The following NIPAL2 variants were observed in gnomAD, a reference collection of about 807,000 sequenced individuals.
The protein encoded by NIPAL2 is NIPA like domain containing 2.
A neutral mutation model predicts 48.9 loss-of-function variants in NIPAL2; 43 were observed. That is an observed-to-expected ratio of 0.88 (90% confidence interval 0.69 to 1.13). The LOEUF is 1.13. Ranked by LOEUF, NIPAL2 falls within the 50% of genes most tolerant of loss-of-function variation. NIPAL2 has a pLI of 0.00. For missense variants in NIPAL2, 446 were observed against 461.4 expected, an observed-to-expected ratio of 0.97 and a Z score of 0.31; for synonymous variants, 167 against 174.6, an observed-to-expected ratio of 0.96 and a Z score of 0.34.
intron 1 of NIPAL2, among the ~76,000 whole-genome samples, chr8:98,263,426 A>G (rs1417225371): frequency 6.6e-6 from 1 of 150,762 alleles, no homozygotes; most frequent in Non-Finnish European, 1.5e-5. Context: ...AATAGATGCA[A>G]TAAAAAATGA....
intron 5 of NIPAL2, chr8:98,217,420 A>G (rs1811632621): frequency 1.2e-6 from 1 of 846,582 alleles, no homozygotes; most frequent in African/African-American, 1.8e-5. Flanking sequence ...ATCAGTCCCG[A>G]AAGCCAATTC....
At chr8:98,238,191 A>C (rs1007990092) in intron 3 of NIPAL2, among the ~76,000 whole-genome samples, 2 of 152,188 alleles carry the variant, frequency 1.3e-5, no homozygotes, top group Non-Finnish European at 2.9e-5. Context: ...GAAAATCCAA[A>C]ATTGCAATAA....
chr8:98,255,004 C>T (rs544079895), intron 1 of NIPAL2, among the ~76,000 whole-genome samples: 89 of 152,288 alleles, frequency 5.8e-4, no homozygotes, highest in African/African-American at 2.1e-3. Flanking sequence ...TTTATATTAT[C>T]ATGTTTGCTC....
At chr8:98,291,504 C>T (rs1290030193) in intron 1 of NIPAL2, among the ~76,000 whole-genome samples, 1 of 152,236 alleles carries the variant, frequency 6.6e-6, no homozygotes, top group Non-Finnish European at 1.5e-5. Flanking sequence ...TCACATGACA[C>T]TTACAACATA....
rs180782486 is a variant in NIPAL2, at chr8:98,272,869, C to T, written c.136-18782G>A. Among the ~76,000 whole-genome samples the T allele has an allele frequency of 2.2e-3, 333 of 152,094 alleles. 1 individual carries two copies. The highest frequency in any genetic ancestry group is 5.2e-3 in the Admixed American group (79 of 15,270). On this transcript the variant is annotated intron_variant, in intron 1 of 10. Coordinates refer to ENST00000430223, the MANE Select transcript of NIPAL2 (RefSeq NM_001321635.2). The stretch of plus-strand genomic sequence containing the variant: ...GTCATAAACTTATGATGTCTGAAAA[C>T]CAAGGAAATGCTTATTTTTTCCAGG...
intron 6 of NIPAL2, among the ~76,000 whole-genome samples, chr8:98,209,533 A>G (rs142930256): frequency 2.8e-4 from 43 of 151,196 alleles, no homozygotes; most frequent in Non-Finnish European, 6.0e-4. Flanking sequence ...TAGGAGGATC[A>G]CTTGAGGCTG....
intron 8 of NIPAL2, among the ~76,000 whole-genome samples, chr8:98,201,954 T>C (rs2130699048): frequency 6.6e-6 from 1 of 152,204 alleles, no homozygotes; most frequent in African/African-American, 2.4e-5. Context: ...ATACATAAAC[T>C]TTACATTGAG....
At chr8:98,244,222 G>C (rs1261853332) in intron 3 of NIPAL2, among the ~76,000 whole-genome samples, 5 of 149,444 alleles carry the variant, frequency 3.3e-5, no homozygotes, top group African/African-American at 1.2e-4. Flanking sequence ...AATGAGGGGG[G>C]TGTGGGCCAC....
intron 1 of NIPAL2, among the ~76,000 whole-genome samples, chr8:98,262,593 T>C (rs1231216821): frequency 4.4e-4 from 65 of 148,032 alleles, no homozygotes; most frequent in African/African-American, 1.5e-3. Context: ...CCTAAATATA[T>C]ATGCACCCAA....
intron 3 of NIPAL2, among the ~76,000 whole-genome samples, chr8:98,250,589 T>C (rs1813536672): frequency 6.6e-6 from 1 of 152,204 alleles, no homozygotes; most frequent in Non-Finnish European, 1.5e-5. Context: ...TTCACATCTT[T>C]GAATCACTTC....
intron 1 of NIPAL2, among the ~76,000 whole-genome samples, chr8:98,283,399 A>T (rs1815967058): frequency 6.6e-6 from 1 of 152,204 alleles, no homozygotes; most frequent in Non-Finnish European, 1.5e-5. Flanking sequence ...CCAGTTAAGG[A>T]AGTCTTAAAC....
chr8:98,229,729 T>C (rs1438259727), intron 4 of NIPAL2, among the ~76,000 whole-genome samples: 7 of 152,218 alleles, frequency 4.6e-5, no homozygotes, highest in Non-Finnish European at 8.8e-5. Context: ...TTCATAGACA[T>C]GTATGGCTGA....
chr8:98,239,820 A>G (rs1055518208), intron 3 of NIPAL2, among the ~76,000 whole-genome samples: 26 of 152,364 alleles, frequency 1.7e-4, no homozygotes, highest in Non-Finnish European at 2.9e-4. Flanking sequence ...CTAAAATGAG[A>G]GCTGTGTTGA....
At chr8:98,272,679 A>G (rs1381397818) in intron 1 of NIPAL2, among the ~76,000 whole-genome samples, 1 of 151,446 alleles carries the variant, frequency 6.6e-6, no homozygotes, top group East Asian at 1.9e-4. Context: ...CAGTGGCACA[A>G]TCTTGGCTCA....
At chr8:98,207,696 CT>C (rs1468398241) in intron 6 of NIPAL2, among the ~76,000 whole-genome samples, 1 of 152,086 alleles carries the variant, frequency 6.6e-6, no homozygotes, top group East Asian at 1.9e-4. Context: ...CAGCACTCAC[CT>C]CAAATCATTT....
At chr8:98,245,269 G>T (rs1248731964) in intron 3 of NIPAL2, among the ~76,000 whole-genome samples, 1 of 152,236 alleles carries the variant, frequency 6.6e-6, no homozygotes, top group East Asian at 1.9e-4. Context: ...ACCATATTGA[G>T]GTACTACTAC....
chr8:98,258,840 T>C (rs1403052713), intron 1 of NIPAL2, among the ~76,000 whole-genome samples: 2 of 152,106 alleles, frequency 1.3e-5, no homozygotes, highest in African/African-American at 4.8e-5. Flanking sequence ...TCTTTGAATC[T>C]GCTGTGATTC....
At chr8:98,269,697 T>C (rs11784205) in intron 1 of NIPAL2, among the ~76,000 whole-genome samples, 108,200 of 152,028 alleles carry the variant, frequency 0.71, 42,007 homozygotes, top group Non-Finnish European at 0.86. Context: ...TTTATTTCCA[T>C]TTTTCTTTTA....
At chr8:98,222,970 G>A (rs1364048160) in intron 4 of NIPAL2, among the ~76,000 whole-genome samples, 1 of 152,142 alleles carries the variant, frequency 6.6e-6, no homozygotes, top group Non-Finnish European at 1.5e-5. Flanking sequence ...GTGCATGATG[G>A]ATCTAGACAC....
Sources: allele counts gnomAD v4.1 joint callset (sites outside exome capture counted in the v4.1 genomes callset), GRCh38; gene constraint gnomAD v4.1.1; transcripts MANE v1.5; gene names NCBI Gene and HGNC (gene_info 2026-07-23, HGNC 2026-07-21).